Variants in GPM6A observed in about 807,000 individuals in gnomAD.
GPM6A encodes neuronal membrane glycoprotein M6-a.
Under a neutral mutation model 32.1 loss-of-function variants are expected in GPM6A, and 7 were observed. The ratio of observed to expected loss-of-function variants is 0.22; its 90% CI spans 0.12 to 0.41. The LOEUF (loss-of-function observed/expected upper bound fraction) is 0.41. GPM6A is among the 10% of genes least tolerant of loss of function. The pLI is 1.00. For synonymous variants in GPM6A, 130 were observed against 123.4 expected (o/e 1.05, Z -0.35); for missense variants, 235 against 347.2 (o/e 0.68, Z 2.57).
chr4:175,735,646 G>A (rs1731628856), intron 1 of GPM6A, among the ~76,000 whole-genome samples: 2 of 150,998 alleles, frequency 1.3e-5, no homozygotes, highest in South Asian at 2.1e-4. Context: ...TGCAACCTCC[G>A]ACTCCAGGGT....
chr4:175,695,756 T>G (rs1220087169), intron 2 of GPM6A, among the ~76,000 whole-genome samples: 9 of 152,164 alleles, frequency 5.9e-5, no homozygotes, highest in Non-Finnish European at 1.3e-4. Flanking sequence ...AGGGGAAACA[T>G]AATTGTATTT....
At chr4:175,637,722 T>C (rs1333449361) in intron 6 of GPM6A, among the ~76,000 whole-genome samples, 5 of 71,046 alleles carry the variant, frequency 7.0e-5, no homozygotes, top group Non-Finnish European at 1.2e-4. Context: ...TATTTATATA[T>C]AATATATTAT....
At position 175,890,530 on chromosome 4, in the gene GPM6A, G is replaced by T. The variant is rs4690642; in HGVS notation, c.-22-78281C>A. ...TTTATTTTATTTTATTTTATTTTAT[G>T]TTATGCTATGTTTTTATTTTATTTT... On this transcript the variant is annotated intron_variant, in intron 1 of 7. Coordinates refer to the GPM6A transcript ENST00000280187. Among the ~76,000 whole-genome samples, 346 of 30,398 alleles carry T rather than the reference G, an allele frequency of 0.011. 4 individuals carry two copies. The East Asian group carries it at 0.27, about 23-fold the overall frequency. 19.9% of individuals were successfully genotyped at this position (30,398 alleles called of 152,430 possible). A position where few individuals can be genotyped will look rare whatever the true frequency, so the allele number is the denominator to read the frequency against.
At chr4:175,879,027 A>C (rs1737180086) in intron 1 of GPM6A, among the ~76,000 whole-genome samples, 1 of 151,600 alleles carries the variant, frequency 6.6e-6, no homozygotes, top group Non-Finnish European at 1.5e-5. Flanking sequence ...TCTATAGGAC[A>C]GGGGCAAAAT....
At chr4:175,962,814 T>G (rs777407797) in intron 1 of GPM6A, among the ~76,000 whole-genome samples, 13 of 152,128 alleles carry the variant, frequency 8.5e-5, no homozygotes, top group Non-Finnish European at 1.9e-4. Flanking sequence ...AAACAAAATT[T>G]AAGAGACAGG....
intron 2 of GPM6A, among the ~76,000 whole-genome samples, chr4:175,676,451 G>A (rs879928585): frequency 1.2e-4 from 19 of 152,254 alleles, no homozygotes; most frequent in Admixed American, 4.6e-4. Flanking sequence ...GACAATGCTG[G>A]ATAAAAAACT....
chr4:175,988,875 G>C (rs1741054955), intron 1 of GPM6A, among the ~76,000 whole-genome samples: 1 of 152,144 alleles, frequency 6.6e-6, no homozygotes, highest in Admixed American at 6.6e-5. Context: ...TGTTAAAAGA[G>C]TAGATTTTTT....
chr4:175,635,674 C>A (rs895046525), intron 6 of GPM6A, among the ~76,000 whole-genome samples: 5 of 152,136 alleles, frequency 3.3e-5, no homozygotes, highest in Middle Eastern at 3.4e-3. Context: ...AAAGGAAGCT[C>A]CTGGTTTGTC....
At chr4:175,670,429 G>A (rs1008669043) in intron 3 of GPM6A, among the ~76,000 whole-genome samples, 4 of 151,976 alleles carry the variant, frequency 2.6e-5, no homozygotes, top group East Asian at 1.9e-4. Flanking sequence ...AATTTGCAGC[G>A]GAATAAATAT....
chr4:175,940,032 G>A (rs1221646386), intron 1 of GPM6A, among the ~76,000 whole-genome samples: 1 of 152,124 alleles, frequency 6.6e-6, no homozygotes, highest in Non-Finnish European at 1.5e-5. Flanking sequence ...AAATAGTGAT[G>A]CAGTAGTTCA....
At chr4:175,718,620 A>G (rs1403539562) in intron 1 of GPM6A, among the ~76,000 whole-genome samples, 2 of 151,998 alleles carry the variant, frequency 1.3e-5, no homozygotes, top group African/African-American at 4.8e-5. Flanking sequence ...TGTCGAAAAA[A>G]AAATATAATG....
chr4:175,889,518 C>CAAAAAAAAAAAAAAA lies in GPM6A; in HGVS notation c.-22-77270_-22-77269insTTTTTTTTTTTTTTT, dbSNP rs35210127. Among the ~76,000 whole-genome samples, 119 of 137,000 alleles carry CAAAAAAAAAAAAAAA rather than the reference C, an allele frequency of 8.7e-4. 2 individuals are homozygous for CAAAAAAAAAAAAAAA. Among genetic ancestry groups the CAAAAAAAAAAAAAAA allele is most frequent in the African/African-American group, 3.0e-3 (104 of 35,072 alleles). 89.9% of individuals were successfully genotyped at this position (137,000 alleles called of 152,430 possible). A position where few individuals can be genotyped will look rare whatever the true frequency, so the allele number is the denominator to read the frequency against. ...GAGTGACAGAGCAAAACCCTGTCTC[C>CAAAAAAAAAAAAAAA]AAAAAAAAAAAAAGAGGCCAGGCGC... On this transcript the variant is annotated intron_variant, in intron 1 of 7. Transcript: ENST00000280187.
chr4:175,651,820 C>T lies in GPM6A; in HGVS notation c.541+14G>A. 1 of 1,604,762 alleles carries T rather than the reference C, an allele frequency of 6.2e-7. No individual in the cohort carries two copies. The highest frequency in any genetic ancestry group is 8.5e-7 in the Non-Finnish European group (1 of 1,173,712). On this transcript the variant is annotated intron_variant, in intron 4 of 6. Coordinates refer to ENST00000393658, the MANE Select transcript of GPM6A (RefSeq NM_201591.3). ...GATGGTGTTTTACAGTTTAGAGATC[C>T]AATATCCACTTACCAAACTGACGAA...
intron 1 of GPM6A, 55 bp from the exon 2 acceptor site, chr4:175,701,822 T>A: frequency 7.4e-7 from 1 of 1,357,454 alleles, no homozygotes; most frequent in Non-Finnish European, 1.0e-6. Flanking sequence ...AATTTAATTT[T>A]TTTTTTCAAA....
At chr4:175,816,256 A>T (rs1735097650), upstream of GPM6A, among the ~76,000 whole-genome samples, 1 of 152,236 alleles carries the variant, frequency 6.6e-6, no homozygotes, top group Non-Finnish European at 1.5e-5. Flanking sequence ...ATTTTTATCA[A>T]GTCAGATTTC....
At chr4:175,752,911 G>A (rs1340935726) in intron 1 of GPM6A, among the ~76,000 whole-genome samples, 3 of 152,142 alleles carry the variant, frequency 2.0e-5, no homozygotes, top group Non-Finnish European at 4.4e-5. Flanking sequence ...TGGTTCGAAA[G>A]GAAAACGTCA....
chr4:175,852,106 T>A (rs1478575761), intron 1 of GPM6A, among the ~76,000 whole-genome samples: 2 of 152,134 alleles, frequency 1.3e-5, no homozygotes, highest in Non-Finnish European at 2.9e-5. Flanking sequence ...GCTTTGGCCA[T>A]CTTACTAGCT....
chr4:175,738,116 T>G (rs1306514423), intron 1 of GPM6A, among the ~76,000 whole-genome samples: 3 of 152,086 alleles, frequency 2.0e-5, no homozygotes, highest in African/African-American at 7.2e-5. Flanking sequence ...TTTTGTATTT[T>G]TAGTAGAGGT....
intron 1 of GPM6A, among the ~76,000 whole-genome samples, chr4:175,871,097 T>G (rs974084479): frequency 2.0e-5 from 3 of 152,014 alleles, no homozygotes; most frequent in African/African-American, 7.2e-5. Flanking sequence ...TCTCCAGTCT[T>G]TCCTTATTTA....
Sources: gnomAD v4.1 joint callset for allele counts (sites outside exome capture counted in the v4.1 genomes callset) on GRCh38, gnomAD v4.1.1 for gene constraint, MANE v1.5 for transcripts, NCBI Gene and HGNC (gene_info 2026-07-23, HGNC 2026-07-21) for gene names.